ANKH: variants seen among roughly 807,000 people sequenced by gnomAD.
ANKH encodes ANKH inorganic pyrophosphate transport regulator.
Under a neutral mutation model 49.0 loss-of-function variants are expected in ANKH, and 15 were observed. The observed-to-expected ratio is 0.31, with a 90% CI of 0.20 to 0.47. ANKH has a LOEUF of 0.47. Ranked by LOEUF, ANKH falls within the 20% of genes least tolerant of loss-of-function variation. The pLI, the probability that ANKH is intolerant of heterozygous loss-of-function variation, is 1.00. For missense variants in ANKH, 429 were observed against 652.0 expected, an observed-to-expected ratio of 0.66 and a Z score of 3.72; for synonymous variants, 273 against 260.0, an observed-to-expected ratio of 1.05 and a Z score of -0.48.
At chr5:14,823,710 T>G (rs1190997467) in intron 1 of ANKH, among the ~76,000 whole-genome samples, 2 of 152,224 alleles carry the variant, frequency 1.3e-5, no homozygotes, top group African/African-American at 4.8e-5. Context: ...GTGGATCACC[T>G]GAGGTCAGGA....
At chr5:14,711,399 G>T in intron 11 of ANKH, 89 bp from the exon 12 acceptor site, 1 of 1,135,348 alleles carries the variant, frequency 8.8e-7, no homozygotes, top group Non-Finnish European at 1.3e-6. Context: ...CCGGGGTCTT[G>T]GGGGACCCCT....
intron 8 of ANKH, among the ~76,000 whole-genome samples, chr5:14,727,874 T>G (rs1325010769): frequency 6.6e-6 from 1 of 152,136 alleles, no homozygotes; most frequent in South Asian, 2.1e-4. Context: ...TTTCTACAAT[T>G]AAAAAAATCT....
In ANKH at chr5:14,783,820, A is replaced by G. The variant is rs889420062; in HGVS notation, c.97-14629T>C. Among the ~76,000 whole-genome samples the G allele has an allele frequency of 2.6e-5, 4 of 152,328 alleles. No homozygotes were observed. The East Asian group carries it at 7.7e-4, about 29-fold the overall frequency. On this transcript the variant is annotated intron_variant, in intron 1 of 11. Transcript: ENST00000284268. ...AATGAATTCATTTTTATCACTTGCT[A>G]TTTCATGCATACGTGATACAGGAGG... is the stretch of plus-strand genomic sequence containing the variant.
intron 1 of ANKH, among the ~76,000 whole-genome samples, chr5:14,856,554 T>C (rs1221848358): frequency 2.0e-5 from 3 of 151,886 alleles, no homozygotes; most frequent in South Asian, 2.1e-4. Flanking sequence ...GCCCCATTGA[T>C]ACTGGGAGAG....
chr5:14,741,636 A>G lies in ANKH; in HGVS notation c.1011+191T>C, dbSNP rs561904756. The G allele has an allele frequency of 7.2e-5, 42 of 580,282 alleles. 1 individual carries two copies. The East Asian group carries it at 1.2e-3, about 17-fold the overall frequency. 35.9% of individuals were successfully genotyped at this position (580,282 alleles called of 1,614,324 possible). ...AAGAAATGCCTGAAGTGGGTCCTTT[A>G]TTCCTAGACTCAAGGGCCTCCTTGA... On this transcript the variant is annotated intron_variant, in intron 8 of 11. Coordinates refer to ENST00000284268, the MANE Select transcript of ANKH (RefSeq NM_054027.6).
chr5:14,749,117 C>G (rs72732802), intron 6 of ANKH, 55 bp downstream of exon 6: 6 of 1,608,366 alleles, frequency 3.7e-6, no homozygotes, highest in African/African-American at 1.3e-5. Context: ...AGTTTCAGCA[C>G]CCCCCTGCCC....
At chr5:14,837,912 A>G (rs1365284181) in intron 1 of ANKH, among the ~76,000 whole-genome samples, 1 of 152,230 alleles carries the variant, frequency 6.6e-6, no homozygotes, top group Non-Finnish European at 1.5e-5. Flanking sequence ...GCACATATAT[A>G]CCATGGAATA....
At chr5:14,760,533 C>T (rs531896273) in intron 2 of ANKH, among the ~76,000 whole-genome samples, 1 of 152,344 alleles carries the variant, frequency 6.6e-6, no homozygotes, top group Non-Finnish European at 1.5e-5. Context: ...TTTATTGTTG[C>T]TGCTGCTGTT....
At chr5:14,741,466 G>A (rs978706669) in intron 8 of ANKH, 12 of 260,436 alleles carry the variant, frequency 4.6e-5, no homozygotes, top group Non-Finnish European at 9.1e-5. Context: ...CTGAAGTAAC[G>A]CGGATTAAAT....
At chr5:14,860,810 G>C (rs1735464466) in intron 1 of ANKH, among the ~76,000 whole-genome samples, 1 of 151,936 alleles carries the variant, frequency 6.6e-6, no homozygotes, top group African/African-American at 2.4e-5. Context: ...GCCCAGGCTG[G>C]AGTGCTGCGA....
intron 8 of ANKH, among the ~76,000 whole-genome samples, chr5:14,738,892 C>T (rs371080100): frequency 1.3e-5 from 2 of 152,010 alleles, no homozygotes; most frequent in Non-Finnish European, 2.9e-5. Context: ...CCTTACTGAC[C>T]GGTGTCTCAT....
intron 2 of ANKH, among the ~76,000 whole-genome samples, chr5:14,764,719 C>T (rs75817891): frequency 0.01 from 1,581 of 152,302 alleles, 29 homozygotes; most frequent in African/African-American, 0.036. Flanking sequence ...TACTAATTCA[C>T]CCTTTATAGA....
Position 14,769,036 on chromosome 5 carries a change from G to A in ANKH, c.252C>T (p.Thr84=). The change falls in exon 2 of 12, where the codon ACC becomes ACT. Residue 84 remains threonine, a synonymous_variant. Transcript: ENST00000284268. ...LVFVNSKRDR[T]KAVLCMVVAG... Reference sequence around the variant, plus strand: ...CCACCACCATACACAGGACGGCTTTGGTCCTGTCTCTCTTGCTGTTCACAA... The same window carrying A: ...CCACCACCATACACAGGACGGCTTTAGTCCTGTCTCTCTTGCTGTTCACAA... The A allele has an allele frequency of 6.2e-7, 1 of 1,614,190 alleles. No individual in the cohort carries two copies. The highest frequency in any genetic ancestry group is 2.2e-5 in the East Asian group (1 of 44,882).
intron 1 of ANKH, among the ~76,000 whole-genome samples, chr5:14,819,268 A>C (rs1344076726): frequency 1.3e-5 from 2 of 152,232 alleles, no homozygotes; most frequent in African/African-American, 4.8e-5. Context: ...CTCATAAAAT[A>C]ACTAAGCATT....
intron 1 of ANKH, among the ~76,000 whole-genome samples, chr5:14,829,536 T>C (rs1741445562): frequency 6.6e-6 from 1 of 152,166 alleles, no homozygotes; most frequent in Non-Finnish European, 1.5e-5. Flanking sequence ...AACTACCAAA[T>C]GCTTAGGAAG....
chr5:14,816,610 A>G (rs1281002791), intron 1 of ANKH, among the ~76,000 whole-genome samples: 1 of 152,154 alleles, frequency 6.6e-6, no homozygotes, highest in Non-Finnish European at 1.5e-5. Context: ...TTCTCTCACA[A>G]AAGGTTTTAT....
At chr5:14,829,955 A>G (rs947677517) in intron 1 of ANKH, among the ~76,000 whole-genome samples, 7 of 152,200 alleles carry the variant, frequency 4.6e-5, no homozygotes, top group Non-Finnish European at 1.0e-4. Context: ...GGAATTATCA[A>G]TATTCTATTT....
chr5:14,837,832 T>A (rs1262653619), intron 1 of ANKH, among the ~76,000 whole-genome samples: 1 of 152,250 alleles, frequency 6.6e-6, no homozygotes, highest in Non-Finnish European at 1.5e-5. Flanking sequence ...CACGTATGTT[T>A]ACTGCGGCAC....
At chr5:14,800,735 T>C (rs969985916) in intron 1 of ANKH, among the ~76,000 whole-genome samples, 1 of 151,388 alleles carries the variant, frequency 6.6e-6, no homozygotes, top group Non-Finnish European at 1.5e-5. Flanking sequence ...TTCTTTTTTT[T>C]TTTTTTTTTG....
Sources: gnomAD v4.1 joint callset for allele counts (sites outside exome capture counted in the v4.1 genomes callset) on GRCh38, gnomAD v4.1.1 for gene constraint, MANE v1.5 for transcripts, NCBI Gene and HGNC (gene_info 2026-07-23, HGNC 2026-07-21) for gene names.